Variants in GRID2 observed in about 807,000 individuals in gnomAD.
The protein encoded by GRID2 is glutamate receptor ionotropic, delta-2.
GRID2 carries 33 observed loss-of-function variants against 114.8 expected under a neutral mutation model. That is an observed-to-expected ratio of 0.29 (90% CI 0.22 to 0.38). The LOEUF is 0.38. GRID2 is among the 10% of genes least tolerant of loss of function. The pLI, the probability that GRID2 is intolerant of heterozygous loss-of-function variation, is 1.00. For synonymous variants in GRID2, 505 were observed against 449.9 expected (o/e 1.12, Z -1.55); for missense variants, 1,184 against 1,257.7 (o/e 0.94, Z 0.89).
chr4:93,283,744 C>T lies in GRID2; in HGVS notation c.1245+45254C>T, dbSNP rs557848627. 1.2e-4 allele frequency among the ~76,000 whole-genome samples: 18 copies of T among 152,088 alleles called. No individual in the cohort carries two copies. The South Asian group carries it at 3.7e-3, about 32-fold the overall frequency. On this transcript the variant is annotated intron_variant, in intron 8 of 15. Transcript: ENST00000282020. ...CTACTTTTTCAAAATATGTAAATCC[C>T]CATAGGTGGCTAAGCGAGCACTTTC...
chr4:93,732,773 AC>A (rs1175665708), intron 14 of GRID2, among the ~76,000 whole-genome samples: 3 of 152,200 alleles, frequency 2.0e-5, no homozygotes, highest in Non-Finnish European at 4.4e-5. Context: ...TGGTCACATT[AC>A]AAAAATGCTT....
At chr4:93,259,717 C>A (rs1750038781) in intron 8 of GRID2, among the ~76,000 whole-genome samples, 1 of 151,712 alleles carries the variant, frequency 6.6e-6, no homozygotes, top group African/African-American at 2.4e-5. Context: ...AGTTCAAAAA[C>A]TATGTTTTTT....
intron 4 of GRID2, among the ~76,000 whole-genome samples, chr4:93,175,672 A>G (rs1739287326): frequency 6.6e-6 from 1 of 152,240 alleles, no homozygotes. Flanking sequence ...CTCCTAGAGA[A>G]ATAAAATTTA....
intron 8 of GRID2, among the ~76,000 whole-genome samples, chr4:93,315,950 C>T (rs947028465): frequency 6.6e-6 from 1 of 151,912 alleles, no homozygotes; most frequent in African/African-American, 2.4e-5. Context: ...ATCAAATTAC[C>T]TAATTTGTAT....
intron 8 of GRID2, among the ~76,000 whole-genome samples, chr4:93,324,492 A>C (rs1757610322): frequency 6.6e-6 from 1 of 152,158 alleles, no homozygotes; most frequent in South Asian, 2.1e-4. Flanking sequence ...TTGGTCTAAA[A>C]GTCTCTTTTT....
intron 14 of GRID2, among the ~76,000 whole-genome samples, chr4:93,634,603 A>T (rs915446795): frequency 3.9e-5 from 6 of 152,122 alleles, no homozygotes; most frequent in Non-Finnish European, 8.8e-5. Context: ...CCTCAGGTTG[A>T]AGCTCGTGTC....
Position 92,392,471 on chromosome 4 carries a change from G to A in GRID2, c.88+87727G>A, listed in dbSNP as rs368537546. Among the ~76,000 whole-genome samples, 699 of 152,092 alleles carry A rather than the reference G, an allele frequency of 4.6e-3. 5 individuals are homozygous for A. Among genetic ancestry groups the A allele is most frequent in the African/African-American group, 0.014 (563 of 41,474 alleles). On this transcript the variant is annotated intron_variant, in intron 1 of 15. Coordinates refer to ENST00000282020, the MANE Select transcript of GRID2 (RefSeq NM_001510.4). ...GGAGAATGGCTTGAACCCGGGAGGC[G>A]GAGATTGCAATGAGCCGGGATGGCA...
intron 14 of GRID2, among the ~76,000 whole-genome samples, chr4:93,698,226 CT>C (rs1267069679): frequency 1.3e-5 from 2 of 151,860 alleles, no homozygotes; most frequent in Non-Finnish European, 2.9e-5. Context: ...CTGTTTTATT[CT>C]GTTAAATCAG....
intron 2 of GRID2, among the ~76,000 whole-genome samples, chr4:92,875,149 GTTTTTTTTTTT>G (rs36120160): frequency 1.2e-5 from 1 of 84,992 alleles, no homozygotes; most frequent in Admixed American, 1.4e-4. Flanking sequence ...AACTCAAAAG[GTTTTTTTTTTT>G]TTTTTTTTTT....
At chr4:92,956,809 C>T (rs927146454) in intron 2 of GRID2, among the ~76,000 whole-genome samples, 2 of 152,192 alleles carry the variant, frequency 1.3e-5, no homozygotes, top group African/African-American at 4.8e-5. Flanking sequence ...ACATCCTCCC[C>T]AGCATTTGGT....
intron 1 of GRID2, among the ~76,000 whole-genome samples, chr4:92,336,954 G>GTTTTTTTTTT (rs59093874): frequency 2.6e-4 from 20 of 78,172 alleles, no homozygotes; most frequent in East Asian, 3.7e-4. Context: ...TTTCGTTGTT[G>GTTTTTTTTTT]TTTTTTTTTT....
intron 3 of GRID2, among the ~76,000 whole-genome samples, chr4:93,106,804 C>A (rs2149346730): frequency 6.6e-6 from 1 of 152,218 alleles, no homozygotes; most frequent in Admixed American, 6.5e-5. Context: ...TTTATGCTTG[C>A]CATTTTGGGT....
intron 14 of GRID2, among the ~76,000 whole-genome samples, chr4:93,628,589 A>C (rs912502073): frequency 1.3e-5 from 2 of 152,172 alleles, no homozygotes; most frequent in Non-Finnish European, 2.9e-5. Flanking sequence ...AGGATGGAAA[A>C]GCATAATAGA....
chr4:92,972,636 G>A (rs1753598536), intron 2 of GRID2, among the ~76,000 whole-genome samples: 2 of 151,668 alleles, frequency 1.3e-5, no homozygotes, highest in African/African-American at 2.4e-5. Context: ...GTTCAGGGGT[G>A]CAAGTTCAGG....
At chr4:92,558,304 G>A (rs1579578740) in intron 1 of GRID2, among the ~76,000 whole-genome samples, 1 of 152,070 alleles carries the variant, frequency 6.6e-6, no homozygotes, top group Admixed American at 6.6e-5. Flanking sequence ...GGGATGAAAA[G>A]GCTATTTTTT....
chr4:93,397,836 A>C (rs774359637), intron 9 of GRID2, among the ~76,000 whole-genome samples: 3 of 151,828 alleles, frequency 2.0e-5, no homozygotes, highest in Admixed American at 6.6e-5. Flanking sequence ...ATACAGTGTA[A>C]ATGCTATGTA....
At chr4:92,968,593 G>A (rs922304494) in intron 2 of GRID2, among the ~76,000 whole-genome samples, 1 of 151,770 alleles carries the variant, frequency 6.6e-6, no homozygotes, top group South Asian at 2.1e-4. Context: ...TTAATTTATG[G>A]AGGTAATTTA....
chr4:93,446,526 G>T (rs779354532), intron 10 of GRID2, among the ~76,000 whole-genome samples: 8 of 151,986 alleles, frequency 5.3e-5, no homozygotes, highest in Non-Finnish European at 1.0e-4. Context: ...TAGAGATCAG[G>T]CTGTTAAGGT....
At chr4:92,642,185 G>T (rs891511530) in intron 2 of GRID2, among the ~76,000 whole-genome samples, 1 of 151,554 alleles carries the variant, frequency 6.6e-6, no homozygotes, top group Non-Finnish European at 1.5e-5. Context: ...TAGGTAGAAT[G>T]GTGGCTCTAT....
Sources: allele counts gnomAD v4.1 joint callset (sites outside exome capture counted in the v4.1 genomes callset), GRCh38; gene constraint gnomAD v4.1.1; transcripts MANE v1.5; gene names NCBI Gene and HGNC (gene_info 2026-07-23, HGNC 2026-07-21).